Variants in EBF3 observed in about 807,000 individuals in gnomAD.
EBF3 encodes transcription factor COE3.
In EBF3, 18 loss-of-function variants were observed where a neutral mutation model predicts 77.1. The observed-to-expected ratio is 0.23, with a 90% confidence interval of 0.16 to 0.35. The LOEUF (loss-of-function observed/expected upper bound fraction) is 0.35. EBF3 is among the 10% of genes least tolerant of loss of function. The pLI is 1.00. For synonymous variants in EBF3, 350 were observed against 343.5 expected (o/e 1.02, Z -0.21); for missense variants, 558 against 860.0 (o/e 0.65, Z 4.39).
Position 129,962,248 on chromosome 10 carries a change from T to G in EBF3, c.356-22A>C, listed in dbSNP as rs1859580612. On this transcript the variant is annotated intron_variant, in intron 3 of 16. Transcript: ENST00000440978. ...ACTCCTGCAAAAAAACAGAGACAAA[T>G]TCTCATCAGGATTTGAGTGCTGCAC... 3 of 1,613,744 alleles carry G rather than the reference T, an allele frequency of 1.9e-6. No homozygotes were observed. The African/African-American group carries it at 4.0e-5, about 22-fold the overall frequency.
intron 10 of EBF3, among the ~76,000 whole-genome samples, chr10:129,851,166 C>T (rs1190988452): frequency 6.6e-6 from 1 of 152,248 alleles, no homozygotes; most frequent in Non-Finnish European, 1.5e-5. Context: ...GCAATTCAAA[C>T]TGTCAGCACT....
At chr10:129,853,577 G>A (rs995726689) in intron 10 of EBF3, among the ~76,000 whole-genome samples, 7 of 152,154 alleles carry the variant, frequency 4.6e-5, no homozygotes, top group Non-Finnish European at 1.0e-4. Context: ...ACAAGAATGC[G>A]CCTCAATTAA....
intron 6 of EBF3, among the ~76,000 whole-genome samples, chr10:129,953,235 C>T (rs1858804370): frequency 6.6e-6 from 1 of 151,956 alleles, no homozygotes; most frequent in Non-Finnish European, 1.5e-5. Flanking sequence ...TGACTAAAGA[C>T]AATGTGAAAT....
In EBF3 at chr10:129,841,462, T is replaced by G. The variant is rs1850047710; in HGVS notation, c.1373-430A>C. ...GTTTGGGGGTCTTCATTTGTATGGT[T>G]GTTATTTCTATACATGGGGGCGTTC... On this transcript the variant is annotated intron_variant, in intron 13 of 16. Transcript: ENST00000440978. The surrounding 1 kb of genome is among the most constrained non-coding windows in gnomAD (Gnocchi z 4.6). Among the ~76,000 whole-genome samples the G allele has an allele frequency of 6.6e-6, 1 of 152,160 alleles. No individual in the cohort carries two copies. The highest frequency in any genetic ancestry group is 1.5e-5 in the Non-Finnish European group (1 of 68,040).
intron 6 of EBF3, among the ~76,000 whole-genome samples, chr10:129,932,618 G>A (rs950402762): frequency 1.3e-5 from 2 of 152,196 alleles, no homozygotes; most frequent in Admixed American, 6.5e-5. Context: ...GTAGCTCCAC[G>A]TGCCTGTGAT....
chr10:129,962,896 G>A (rs1859635279), intron 3 of EBF3, 46 bp downstream of exon 3: 1 of 1,609,622 alleles, frequency 6.2e-7, no homozygotes, highest in Admixed American at 1.7e-5. Flanking sequence ...CGCAGAAAAG[G>A]AGAGCCAGCC....
chr10:129,942,585 G>A (rs910564943), intron 6 of EBF3, among the ~76,000 whole-genome samples: 1 of 152,152 alleles, frequency 6.6e-6, no homozygotes, highest in Admixed American at 6.6e-5. Flanking sequence ...GACAACTCGG[G>A]CCCCGGGGCA....
chr10:129,869,279 A>G (rs1398109993), intron 8 of EBF3, among the ~76,000 whole-genome samples: 1 of 152,078 alleles, frequency 6.6e-6, no homozygotes, highest in Non-Finnish European at 1.5e-5. Flanking sequence ...CCCGAGGAGT[A>G]CCCTTGCTGT....
intron 6 of EBF3, among the ~76,000 whole-genome samples, chr10:129,894,160 T>C (rs1854210665): frequency 6.6e-6 from 1 of 152,254 alleles, no homozygotes; most frequent in Non-Finnish European, 1.5e-5. Flanking sequence ...AGGGAAAATC[T>C]GTCAAGCTGG....
chr10:129,857,654 G>A (rs953771385), intron 10 of EBF3, among the ~76,000 whole-genome samples: 1 of 152,164 alleles, frequency 6.6e-6, no homozygotes, highest in African/African-American at 2.4e-5. Flanking sequence ...TAGCAAATGT[G>A]GCTTCTGCAC....
chr10:129,961,560 G>A (rs1332480504), intron 4 of EBF3, among the ~76,000 whole-genome samples: 4 of 152,226 alleles, frequency 2.6e-5, no homozygotes, highest in African/African-American at 4.8e-5. Flanking sequence ...AGGTATGACA[G>A]AGGGTGGGAG....
Position 129,848,417 on chromosome 10 carries a change from G to A in EBF3, c.1103C>T (p.Pro368Leu), listed in dbSNP as rs753611916. The change falls in exon 11 of 17, where the codon CCG (proline) becomes CTG (leucine). Residue 368 changes from proline (P) to leucine (L), a missense_variant. Physicochemically the swap from Pro to Leu is moderately conservative, Grantham distance 98 (BLOSUM62 -3). Transcript: ENST00000440978. The surrounding 1 kb of genome is among the most constrained non-coding windows in gnomAD (Gnocchi z 4.4). ...CTTGGGTAACCTTTCGGGATCACCC[G>A]GATGTCTTGGGATCACTTTCTGCAA... The part of the protein sequence containing the change: ...QRLQKVIPRH[P>L]GDPERLPKEV... 5 of 1,614,062 alleles carry A rather than the reference G, an allele frequency of 3.1e-6. No homozygotes were observed. The South Asian group carries it at 3.3e-5, about 11-fold the overall frequency.
intron 7 of EBF3, among the ~76,000 whole-genome samples, chr10:129,874,877 G>T (rs184526843): frequency 3.9e-5 from 6 of 152,144 alleles, no homozygotes; most frequent in Non-Finnish European, 8.8e-5. Flanking sequence ...TGTTGGGTCC[G>T]CACATGTAAG....
At chr10:129,888,195 G>A (rs1398190964) in intron 6 of EBF3, among the ~76,000 whole-genome samples, 1 of 152,210 alleles carries the variant, frequency 6.6e-6, no homozygotes, top group Non-Finnish European at 1.5e-5. Context: ...TCCTGTCGGG[G>A]AGCAGCACCC....
chr10:129,852,226 A>G (rs1850933440), intron 10 of EBF3, among the ~76,000 whole-genome samples: 1 of 152,226 alleles, frequency 6.6e-6, no homozygotes, highest in African/African-American at 2.4e-5. Flanking sequence ...AATATATTTG[A>G]GTGTACTGGA....
chr10:129,863,800 T>C lies in EBF3; in HGVS notation c.1039+3341A>G, dbSNP rs548530353. On this transcript the variant is annotated intron_variant, in intron 10 of 16. Coordinates refer to ENST00000440978, the MANE Select transcript of EBF3 (RefSeq NM_001375380.1). This position sits in a 1 kb window ranked among gnomAD's most constrained non-coding sequence, Gnocchi z 4.0. ...GGTCAGACAGGTCATGACCCTACCT[T>C]TCCTCTGCTCCCCAGCCTGTAGAGC... Among the ~76,000 whole-genome samples the C allele has an allele frequency of 6.6e-6, 1 of 152,304 alleles. No homozygotes were observed. The highest frequency in any genetic ancestry group is 2.4e-5 in the African/African-American group (1 of 41,562).
chr10:129,840,489 C>A, intron 14 of EBF3, 47 bp from the exon 15 acceptor site: 1 of 1,532,438 alleles, frequency 6.5e-7, no homozygotes, highest in Non-Finnish European at 8.8e-7. Context: ...CGGCACAGCG[C>A]CACGGCGAGA....
rs1589899229 is a variant in EBF3 at position 129,935,148 on chromosome 10, A to G, written c.554+22110T>C. Among the ~76,000 whole-genome samples the G allele has an allele frequency of 6.6e-6, 1 of 152,060 alleles. No individual in the cohort carries two copies. The highest frequency in any genetic ancestry group is 2.1e-4 in the South Asian group (1 of 4,816). ...CTCTAGTGGATCATGATGTGGATGC[A>G]TTTTCCTGTCTCCACTCCAGCCAAA... On this transcript the variant is annotated intron_variant, in intron 6 of 16. Coordinates refer to ENST00000440978, the MANE Select transcript of EBF3 (RefSeq NM_001375380.1). This position sits in a 1 kb window ranked among gnomAD's most constrained non-coding sequence, Gnocchi z 4.2.
At chr10:129,893,132 T>C (rs118054468) in intron 6 of EBF3, among the ~76,000 whole-genome samples, 1,642 of 152,340 alleles carry the variant, frequency 0.011, 9 homozygotes, top group Non-Finnish European at 0.017. Context: ...GGAAATGGCA[T>C]GGGCTTTCAT....
Sources: allele counts gnomAD v4.1 joint callset (sites outside exome capture counted in the v4.1 genomes callset), GRCh38; gene constraint gnomAD v4.1.1; non-coding constraint Gnocchi (gnomAD v3.1); transcripts MANE v1.5; gene names NCBI Gene and HGNC (gene_info 2026-07-23, HGNC 2026-07-21).